Variants in HYDIN observed in about 807,000 individuals in gnomAD.
The protein encoded by HYDIN is axonemal central pair apparatus protein HYDIN.
In HYDIN, 132 loss-of-function variants were observed where a neutral mutation model predicts 403.9. That is an observed-to-expected ratio of 0.33 (90% CI 0.28 to 0.38). The LOEUF is 0.38. Ranked by LOEUF, HYDIN falls within the 10% of genes least tolerant of loss-of-function variation. HYDIN has a pLI of 1.00. For synonymous variants in HYDIN, 1,202 were observed against 1,891.7 expected, an observed-to-expected ratio of 0.64 and a Z score of 9.46; for missense variants, 2,827 against 5,009.5, an observed-to-expected ratio of 0.56 and a Z score of 13.15.
intron 28 of HYDIN, 39 bp downstream of exon 28, chr16:70,985,146 C>T (rs375332437): frequency 1.2e-4 from 193 of 1,602,786 alleles, no homozygotes; most frequent in Non-Finnish European, 1.5e-4. Flanking sequence ...GAGTGGGGCT[C>T]GTAGGTTTGA....
chr16:70,969,348 C>T (rs1463893382), intron 36 of HYDIN, among the ~76,000 whole-genome samples: 1 of 152,110 alleles, frequency 6.6e-6, no homozygotes, highest in Non-Finnish European at 1.5e-5. Context: ...AGTCAAACTT[C>T]TGTAAACTAA....
chr16:70,980,564 A>C (rs1304318259), intron 29 of HYDIN, among the ~76,000 whole-genome samples: 1 of 149,006 alleles, frequency 6.7e-6, no homozygotes, highest in African/African-American at 2.4e-5. Context: ...TTATATATAT[A>C]TATATGCAAG....
At chr16:70,809,337 T>G (rs1168264275) in intron 85 of HYDIN, among the ~76,000 whole-genome samples, 1 of 152,248 alleles carries the variant, frequency 6.6e-6, no homozygotes, top group Admixed American at 6.5e-5. Context: ...AAAATCCTTA[T>G]AGCAATCCTG....
At chr16:70,999,132 G>T (rs1223522690) in intron 23 of HYDIN, among the ~76,000 whole-genome samples, 2 of 152,084 alleles carry the variant, frequency 1.3e-5, no homozygotes, top group African/African-American at 4.8e-5. Context: ...TTCTCAAAAG[G>T]AGTTGCAATT....
In HYDIN at chr16:70,833,892, A is replaced by G; in HGVS notation, c.13674T>C (p.Gly4558=). 5 of 1,611,188 alleles carry G rather than the reference A, an allele frequency of 3.1e-6. No homozygotes were observed. Among genetic ancestry groups the G allele is most frequent in the Non-Finnish European group, 4.2e-6 (5 of 1,179,226 alleles). ...RILMMNTGDV[G]ARFKWDIKKF... is the part of the protein sequence containing the mutation. ...GGGAGACACTGCTCCCTTACCTTGCACCCACATCGCCTGTGTTCATCATGA... is the reference window on the plus strand; with the variant it reads ...GGGAGACACTGCTCCCTTACCTTGCGCCCACATCGCCTGTGTTCATCATGA... Residue 4558 remains glycine (G), a synonymous_variant, in exon 79 of 86, where the codon GGT becomes GGC. Transcript: ENST00000393567.
intron 50 of HYDIN, among the ~76,000 whole-genome samples, chr16:70,904,990 G>A (rs993980255): frequency 5.9e-5 from 9 of 152,070 alleles, no homozygotes; most frequent in African/African-American, 1.9e-4. Flanking sequence ...GGGCACTGAG[G>A]GAGACTCAGT....
rs182593408 is a variant in HYDIN at position 70,822,675 on chromosome 16, C to T, written c.14428-4103G>A. On this transcript the variant is annotated intron_variant, in intron 83 of 85. Transcript: ENST00000393567. ...ATTGTTGTCTAATTTTAGGAAATTG[C>T]CACAGTCACCCCCACCTTCAGTAAC... Among the ~76,000 whole-genome samples the T allele has an allele frequency of 3.8e-3, 575 of 152,206 alleles. 4 individuals carry two copies. The highest frequency in any genetic ancestry group is 0.013 in the African/African-American group (541 of 41,534).
chr16:71,214,593 T>C (rs974185250), intron 1 of HYDIN, among the ~76,000 whole-genome samples: 1 of 152,218 alleles, frequency 6.6e-6, no homozygotes, highest in Admixed American at 6.5e-5. Context: ...CCTTGGTTTA[T>C]CTGACAGGAA....
intron 84 of HYDIN, among the ~76,000 whole-genome samples, chr16:70,813,293 T>C (rs888063663): frequency 2.0e-5 from 3 of 149,906 alleles, no homozygotes; most frequent in African/African-American, 7.3e-5. Context: ...AGATCTCTCA[T>C]CCTAGGGGAA....
In HYDIN at chr16:70,879,636, T is replaced by G. The variant is rs374648674; in HGVS notation, c.10336A>C (p.Ile3446Leu). ...AAGCCATCCAAGGTAGCCTCAAAGA[T>G]GCACTGGTAGTTCTGCATGATCTGC... ...TPQIMQNYQC[I>L]FEATLDGLPS... Residue 3446 changes from isoleucine to leucine, a missense_variant, in exon 61 of 86, where the codon ATC (isoleucine) becomes CTC (leucine). Coordinates refer to ENST00000393567, the MANE Select transcript of HYDIN (RefSeq NM_001270974.2). 1 of 1,612,028 alleles carries G rather than the reference T, an allele frequency of 6.2e-7. No individual in the cohort carries two copies. The highest frequency in any genetic ancestry group is 1.4e-5 in the African/African-American group (1 of 73,606).
At chr16:71,046,462 T>C (rs1475965383) in intron 18 of HYDIN, among the ~76,000 whole-genome samples, 9 of 151,774 alleles carry the variant, frequency 5.9e-5, no homozygotes, top group Non-Finnish European at 8.8e-5. Flanking sequence ...CCCGGATGCA[T>C]CCCAATTCAA....
chr16:70,872,080 C>A lies in HYDIN; in HGVS notation c.11048G>T (p.Arg3683Leu), dbSNP rs376743424. ...TGTAGCTGAAACAGGCCATTCAAAC[C>A]GTATCAAGTTCACTTGGCTGTGATT... is the stretch of plus-strand genomic sequence containing the variant. ...VTNHSQVNLI[R>L]FEWPVSATIA... The change falls in exon 65 of 86, where the codon CGG becomes CTG. Residue 3683 changes from arginine (R) to leucine (L), a missense_variant. Coordinates refer to ENST00000393567, the MANE Select transcript of HYDIN (RefSeq NM_001270974.2). The A allele has an allele frequency of 5.8e-5, 90 of 1,562,756 alleles. No homozygotes were observed. The African/African-American group carries it at 1.1e-3, about 18-fold the overall frequency.
At chr16:71,166,074 G>C (rs1488284054) in intron 5 of HYDIN, among the ~76,000 whole-genome samples, 1 of 148,826 alleles carries the variant, frequency 6.7e-6, no homozygotes, top group Non-Finnish European at 1.5e-5. Context: ...AGGGAGGCCA[G>C]TTAGGAAGCC....
Position 70,803,741 on chromosome 16 carries a change from A to G in HYDIN, c.*3839T>C, listed in dbSNP as rs561736459. Among the ~76,000 whole-genome samples, 261 of 152,316 alleles carry G rather than the reference A, an allele frequency of 1.7e-3. No homozygotes were observed. The highest frequency in any genetic ancestry group is 3.4e-3 in the Middle Eastern group (1 of 294). ...GGCAACAGGGTTTAAGGTATTAGGT[A>G]GAGGTCTTGAAATGTAGCAGGCCCT... is the stretch of plus-strand genomic sequence containing the variant. On this transcript the variant is annotated 3_prime_UTR_variant, in exon 86 of 86. Coordinates refer to ENST00000393567, the MANE Select transcript of HYDIN (RefSeq NM_001270974.2).
At chr16:70,878,691 C>G (rs1200815118) in intron 62 of HYDIN, among the ~76,000 whole-genome samples, 1 of 144,906 alleles carries the variant, frequency 6.9e-6, no homozygotes, top group Non-Finnish European at 1.5e-5. Context: ...TTGAAGCTTT[C>G]TCTCTATTTC....
intron 41 of HYDIN, among the ~76,000 whole-genome samples, chr16:70,947,456 G>T (rs1231691908): frequency 6.6e-6 from 1 of 151,776 alleles, no homozygotes; most frequent in Non-Finnish European, 1.5e-5. Flanking sequence ...ATTTTATTGA[G>T]GATTTTTGCA....
At chr16:70,835,880 G>C (rs1457668565) in intron 77 of HYDIN, 46 bp from the exon 78 acceptor site, 2 of 624,062 alleles carry the variant, frequency 3.2e-6, no homozygotes, top group Admixed American at 5.8e-5. Flanking sequence ...TAGTTAAAGG[G>C]AAAAATAAAC....
At chr16:71,081,038 C>T (rs368695219) in intron 12 of HYDIN, 2 of 151,336 alleles carry the variant, frequency 1.3e-5, no homozygotes, top group African/African-American at 4.8e-5. Context: ...CCTGCCAACA[C>T]TGATTTTAGC....
At chr16:70,818,719 A>G in intron 83 of HYDIN, 147 bp from the exon 84 acceptor site, 2 of 564,598 alleles carry the variant, frequency 3.5e-6, no homozygotes, top group Non-Finnish European at 6.3e-6. Context: ...CTCGCAGCCT[A>G]TCCGGATCCC....
Sources: allele counts gnomAD v4.1 joint callset (sites outside exome capture counted in the v4.1 genomes callset), GRCh38; gene constraint gnomAD v4.1.1; transcripts MANE v1.5; gene names NCBI Gene and HGNC (gene_info 2026-07-23, HGNC 2026-07-21).